UBE3A: variants seen among roughly 807,000 people sequenced by gnomAD.
UBE3A encodes ubiquitin protein ligase E3A.
In UBE3A, 6 loss-of-function variants were observed where a neutral mutation model predicts 83.4. The observed-to-expected ratio is 0.07, with a 90% CI of 0.04 to 0.14. The LOEUF (loss-of-function observed/expected upper bound fraction) is 0.14, where lower values mean the gene tolerates loss of function less well. Ranked by LOEUF, UBE3A falls within the 10% of genes least tolerant of loss-of-function variation. The pLI is 1.00. For missense variants in UBE3A, 456 were observed against 1,036.1 expected, an observed-to-expected ratio of 0.44 and a Z score of 7.69; for synonymous variants, 337 against 355.4, an observed-to-expected ratio of 0.95 and a Z score of 0.58.
rs2074240612 is a variant in UBE3A, at chr15:25,338,874, A to G, written c.*263T>C. On this transcript the variant is annotated 3_prime_UTR_variant, in exon 13 of 13. Coordinates refer to ENST00000648336, the MANE Select transcript of UBE3A (RefSeq NM_130839.5). Reference sequence around the variant, plus strand: ...ACATACAAGTGAAAGAATATGTAACACTTTCACGCAAAAAAATAATTATAA... The same window carrying G: ...ACATACAAGTGAAAGAATATGTAACGCTTTCACGCAAAAAAATAATTATAA... 1 of 189,860 alleles carries G rather than the reference A, an allele frequency of 5.3e-6. No homozygotes were observed. The highest frequency in any genetic ancestry group is 1.5e-4 in the South Asian group (1 of 6,490). 11.8% of individuals were successfully genotyped at this position (189,860 alleles called of 1,614,324 possible).
At chr15:25,386,532 A>G (rs1471898101) in intron 4 of UBE3A, among the ~76,000 whole-genome samples, 3 of 152,192 alleles carry the variant, frequency 2.0e-5, no homozygotes, top group Non-Finnish European at 4.4e-5. Flanking sequence ...AAACAAAAAC[A>G]AAAAACAGAA....
intron 7 of UBE3A, among the ~76,000 whole-genome samples, chr15:25,358,890 G>A (rs2077608714): frequency 6.6e-6 from 1 of 152,112 alleles, no homozygotes; most frequent in Admixed American, 6.5e-5. Context: ...GTATTAACAG[G>A]ATCAAGAACA....
At chr15:25,398,824 T>C (rs1168460605) in intron 4 of UBE3A, among the ~76,000 whole-genome samples, 1 of 130,204 alleles carries the variant, frequency 7.7e-6, no homozygotes, top group Non-Finnish European at 1.7e-5. Flanking sequence ...TAAAAATACA[T>C]ATATATCCAA....
chr15:25,405,840 C>T (rs1237419276), intron 3 of UBE3A, among the ~76,000 whole-genome samples: 2 of 152,156 alleles, frequency 1.3e-5, no homozygotes, highest in Non-Finnish European at 2.9e-5. Flanking sequence ...CTTCCTATAG[C>T]CAAGTATTGG....
At chr15:25,387,616 TAATAAA>T (rs1327908848) in intron 4 of UBE3A, among the ~76,000 whole-genome samples, 1 of 151,768 alleles carries the variant, frequency 6.6e-6, no homozygotes, top group Non-Finnish European at 1.5e-5. Flanking sequence ...CAAATAGAAG[TAATAAA>T]AATTAGAGCA....
At chr15:25,408,272 T>C in intron 3 of UBE3A, 1 of 328,156 alleles carries the variant, frequency 3.0e-6, no homozygotes, top group Non-Finnish European at 5.7e-6. Flanking sequence ...TTCCCAAGCT[T>C]GACTTTGGCT....
chr15:25,361,571 A>G (rs1000032565), intron 6 of UBE3A, among the ~76,000 whole-genome samples: 2 of 152,146 alleles, frequency 1.3e-5, no homozygotes, highest in Non-Finnish European at 2.9e-5. Flanking sequence ...CTAGATTCCA[A>G]TATTAACTGT....
intron 4 of UBE3A, among the ~76,000 whole-genome samples, chr15:25,399,002 C>A (rs1347452338): frequency 2.6e-5 from 4 of 151,172 alleles, no homozygotes; most frequent in African/African-American, 9.7e-5. Flanking sequence ...ATTTGTATGT[C>A]TTATTTTGAG....
intron 1 of UBE3A, among the ~76,000 whole-genome samples, chr15:25,431,387 G>C (rs943153612): frequency 4.6e-5 from 7 of 152,214 alleles, no homozygotes; most frequent in African/African-American, 1.7e-4. Flanking sequence ...TGCTTGCCCA[G>C]GCTGGAGTGC....
chr15:25,364,439 A>T (rs185656956), intron 6 of UBE3A, among the ~76,000 whole-genome samples: 19 of 152,274 alleles, frequency 1.2e-4, no homozygotes, highest in African/African-American at 4.1e-4. Flanking sequence ...TCTTTACATA[A>T]TAGCTATATT....
Position 25,371,788 on chromosome 15 carries a change from T to G in UBE3A, c.386A>C (p.Lys129Thr). The change falls in exon 6 of 13, where the codon AAG becomes ACG. Residue 129 changes from lysine (K) to threonine (T), a missense_variant. Lys to Thr is a moderately conservative substitution (Grantham distance 78). This residue lies in a region of UBE3A where 34 missense variants were observed against 79.1 expected (regional missense o/e 0.43). Transcript: ENST00000648336. The surrounding 1 kb of genome is among the most constrained non-coding windows in gnomAD (Gnocchi z 5.3). ...FKDVTYLTEE[K>T]VYEILELCRE... ...ACATAATTCAAGAATTTCATATACC[T>G]TCTCTTCTGTTAAGTAAGTCACATC... 6.2e-7 allele frequency: 1 copy of G among 1,610,782 alleles called. No homozygotes were observed. The highest frequency in any genetic ancestry group is 1.1e-5 in the South Asian group (1 of 91,016).
chr15:25,386,711 AAATC>A (rs1348324355), intron 4 of UBE3A, among the ~76,000 whole-genome samples: 1 of 152,116 alleles, frequency 6.6e-6, no homozygotes, highest in Non-Finnish European at 1.5e-5. Flanking sequence ...CAGAGGGAAA[AAATC>A]ACCTTACCTG....
In UBE3A at chr15:25,356,777, T is replaced by C; in HGVS notation, c.1873A>G (p.Ile625Val). The change falls in exon 8 of 13, where the codon ATA becomes GTA. Residue 625 changes from isoleucine (I) to valine (V), a missense_variant. Transcript: ENST00000648336. ...VLGLAIYNNC[I>V]LDVHFPMVVY... ...ACCATGGGAAAATGTACATCCAGTA[T>C]ACAGTTATTGTAAATAGCCAGACCC... 6.2e-7 allele frequency: 1 copy of C among 1,613,882 alleles called. No homozygotes were observed. Among genetic ancestry groups the C allele is most frequent in the South Asian group, 1.1e-5 (1 of 91,072 alleles).
chr15:25,392,131 G>C (rs2084532090), intron 4 of UBE3A, among the ~76,000 whole-genome samples: 1 of 152,280 alleles, frequency 6.6e-6, no homozygotes, highest in South Asian at 2.1e-4. Context: ...CAAAGCAGCA[G>C]TGGAGAACAC....
intron 9 of UBE3A, among the ~76,000 whole-genome samples, chr15:25,355,530 C>T (rs28379525): frequency 0.026 from 3,932 of 152,230 alleles, 160 homozygotes; most frequent in African/African-American, 0.088. Flanking sequence ...ACAGGATATA[C>T]ATGTGTAAAT....
At chr15:25,429,124 T>A (rs1394396101) in intron 1 of UBE3A, among the ~76,000 whole-genome samples, 1 of 152,160 alleles carries the variant, frequency 6.6e-6, no homozygotes, top group East Asian at 1.9e-4. Flanking sequence ...GTTATACATG[T>A]CTGTAAAAAT....
intron 12 of UBE3A, 69 bp from the exon 13 acceptor site, chr15:25,339,326 C>T: frequency 1.3e-6 from 2 of 1,572,494 alleles, no homozygotes; most frequent in South Asian, 1.1e-5. Context: ...GAATTAAATG[C>T]TCCTATTTTT....
At position 25,354,573 on chromosome 15, in the gene UBE3A, G is replaced by A; in HGVS notation, c.2235C>T (p.Tyr745=). 1 of 1,613,858 alleles carries A rather than the reference G, an allele frequency of 6.2e-7. No homozygotes were observed. Among genetic ancestry groups the A allele is most frequent in the Non-Finnish European group, 8.5e-7 (1 of 1,179,940 alleles). ...HMVTNESPLK[Y]LFRPEEIELL... is the part of the protein sequence containing the mutation. ...ATTCAATTTCTTCTGGTCTGAATAA[G>A]TACTTTAAGGGAGATTCATTGGTCA... The change falls in exon 10 of 13, where the codon TAC becomes TAT. Residue 745 remains tyrosine, a synonymous_variant. Coordinates refer to ENST00000648336, the MANE Select transcript of UBE3A (RefSeq NM_130839.5).
chr15:25,412,919 C>A (rs762384855), intron 1 of UBE3A: 4 of 379,222 alleles, frequency 1.1e-5, no homozygotes, highest in African/African-American at 2.2e-5. Flanking sequence ...TCATTCAGTG[C>A]ATGAAGTAGG....
Sources: gnomAD v4.1 joint callset for allele counts (sites outside exome capture counted in the v4.1 genomes callset) on GRCh38, gnomAD v4.1.1 for gene constraint, gnomAD v4.1.1 regional missense constraint, Gnocchi (gnomAD v3.1) non-coding constraint, MANE v1.5 for transcripts, NCBI Gene and HGNC (gene_info 2026-07-23, HGNC 2026-07-21) for gene names.